Variants in SLC9A4 observed in about 807,000 individuals in gnomAD.
SLC9A4 encodes sodium/hydrogen exchanger 4.
Under a neutral mutation model 67.4 loss-of-function variants are expected in SLC9A4, and 63 were observed. The observed-to-expected ratio is 0.93, with a 90% CI of 0.76 to 1.15. The LOEUF (loss-of-function observed/expected upper bound fraction) is 1.15. Among genes scored for constraint, SLC9A4 ranks in the 50% most tolerant of loss-of-function variants. SLC9A4 has a pLI of 0.00. For synonymous variants in SLC9A4, 393 were observed against 367.2 expected (o/e 1.07, Z -0.80); for missense variants, 1,089 against 987.7 (o/e 1.10, Z -1.38).
Position 102,502,571 on chromosome 2 carries a change from A to T in SLC9A4, c.721-877A>T, listed in dbSNP as rs554751661. Among the ~76,000 whole-genome samples the T allele has an allele frequency of 7.9e-5, 12 of 152,294 alleles. No individual in the cohort carries two copies. The South Asian group carries it at 2.3e-3, about 29-fold the overall frequency. On this transcript the variant is annotated intron_variant, in intron 2 of 11. Transcript: ENST00000295269. ...GCCCCCAAGGAAGGACACGCTTGGGAGGGGTTCACCTTTTACTGGAGAAGG... is the reference window on the plus strand; with the variant it reads ...GCCCCCAAGGAAGGACACGCTTGGGTGGGGTTCACCTTTTACTGGAGAAGG...
chr2:102,521,323 T>C (rs1458028461), intron 9 of SLC9A4, among the ~76,000 whole-genome samples: 1 of 152,208 alleles, frequency 6.6e-6, no homozygotes, highest in African/African-American at 2.4e-5. Flanking sequence ...TGGTCTTTTT[T>C]AGTAAGTATC....
At chr2:102,477,820 A>G (rs767048587) in intron 1 of SLC9A4, among the ~76,000 whole-genome samples, 2 of 152,154 alleles carry the variant, frequency 1.3e-5, no homozygotes, top group Non-Finnish European at 2.9e-5. Flanking sequence ...AGTGTGTGGG[A>G]GACAGACTTG....
intron 3 of SLC9A4, among the ~76,000 whole-genome samples, chr2:102,504,913 G>T (rs10208027): frequency 0.054 from 7,871 of 146,040 alleles, 631 homozygotes; most frequent in African/African-American, 0.18. Context: ...TTAAGGCAGA[G>T]TAACGCAGAG....
At chr2:102,511,678 T>C (rs1408295368) in intron 6 of SLC9A4, among the ~76,000 whole-genome samples, 2 of 152,062 alleles carry the variant, frequency 1.3e-5, no homozygotes, top group East Asian at 3.8e-4. Context: ...CATATGTAAT[T>C]ACTCAGATCA....
chr2:102,481,182 G>A (rs998563318), intron 2 of SLC9A4, among the ~76,000 whole-genome samples: 16 of 152,200 alleles, frequency 1.1e-4, no homozygotes, highest in Admixed American at 9.2e-4. Context: ...AAATATCGTG[G>A]CATTACATAA....
chr2:102,509,277 T>C (rs10195948), intron 6 of SLC9A4, among the ~76,000 whole-genome samples: 114,026 of 152,112 alleles, frequency 0.75, 43,132 homozygotes, highest in Middle Eastern at 0.81. Flanking sequence ...CTTCAGAGCC[T>C]GCAAAGGCTG....
intron 4 of SLC9A4, among the ~76,000 whole-genome samples, chr2:102,506,091 C>T (rs1007284624): frequency 3.9e-5 from 6 of 152,136 alleles, no homozygotes; most frequent in Non-Finnish European, 7.4e-5. Flanking sequence ...AAAAGAGCTT[C>T]GTATTAATTA....
intron 8 of SLC9A4, among the ~76,000 whole-genome samples, chr2:102,514,890 G>A (rs1005979925): frequency 6.6e-6 from 1 of 152,076 alleles, no homozygotes; most frequent in Non-Finnish European, 1.5e-5. Context: ...CATAGGGAGG[G>A]GTGATACTGG....
At position 102,473,612 on chromosome 2, in the gene SLC9A4, C is replaced by T. The variant is rs1573321149; in HGVS notation, c.-148C>T. On this transcript the variant is annotated 5_prime_UTR_variant, in exon 1 of 12. Transcript: ENST00000295269. ...AGTGTCTACATACAGAGCTCAATAA[C>T]ACACTCGGAATCTTCTTGGGAGGAC... The T allele has an allele frequency of 1.1e-6, 1 of 944,992 alleles. No individual in the cohort carries two copies. Among genetic ancestry groups the T allele is most frequent in the South Asian group, 1.7e-5 (1 of 59,166 alleles). 58.5% of individuals were successfully genotyped at this position (944,992 alleles called of 1,614,324 possible). A position where few individuals can be genotyped will look rare whatever the true frequency, so the allele number is the denominator to read the frequency against.
At chr2:102,503,000 C>T (rs1222082065) in intron 2 of SLC9A4, among the ~76,000 whole-genome samples, 2 of 152,252 alleles carry the variant, frequency 1.3e-5, no homozygotes, top group Non-Finnish European at 2.9e-5. Context: ...GCTGACTCTC[C>T]CCACAGGCCC....
At chr2:102,508,457 A>G (rs72993722) in intron 5 of SLC9A4, among the ~76,000 whole-genome samples, 176 bp downstream of exon 5, 23,208 of 152,098 alleles carry the variant, frequency 0.15, 2,056 homozygotes, top group African/African-American at 0.24. Context: ...TCTAAAATGT[A>G]TTGCCTTTTA....
intron 1 of SLC9A4, 74 bp from the exon 2 acceptor site, chr2:102,478,765 T>A (rs939374273): frequency 6.9e-7 from 1 of 1,455,652 alleles, no homozygotes; most frequent in South Asian, 1.3e-5. Flanking sequence ...CCTGTCTGCT[T>A]GACTTTAAAA....
At chr2:102,476,953 G>A (rs1302417526) in intron 1 of SLC9A4, among the ~76,000 whole-genome samples, 2 of 152,146 alleles carry the variant, frequency 1.3e-5, no homozygotes, top group Non-Finnish European at 2.9e-5. Context: ...ATGAAAGTGG[G>A]GATGGTATTC....
intron 11 of SLC9A4, among the ~76,000 whole-genome samples, chr2:102,529,677 A>C (rs956525309): frequency 1.6e-4 from 25 of 152,146 alleles, no homozygotes; most frequent in African/African-American, 5.1e-4. Context: ...GCACCAGGAG[A>C]ATGGCTGGAG....
intron 9 of SLC9A4, among the ~76,000 whole-genome samples, chr2:102,524,556 T>TTGTGTGTGTGTG (rs147920382): frequency 0.041 from 5,982 of 145,432 alleles, 147 homozygotes; most frequent in African/African-American, 0.062. Context: ...GTGATAGGAA[T>TTGTGTGTGTGTG]TGTGTGTGTG....
intron 8 of SLC9A4, among the ~76,000 whole-genome samples, chr2:102,515,749 C>G (rs879883261): frequency 6.6e-6 from 1 of 151,934 alleles, no homozygotes; most frequent in Admixed American, 6.6e-5. Flanking sequence ...TTTTTTGCAA[C>G]CCCCTTGCAT....
At chr2:102,475,060 G>A (rs1049647934) in intron 1 of SLC9A4, among the ~76,000 whole-genome samples, 1 of 152,134 alleles carries the variant, frequency 6.6e-6, no homozygotes, top group Admixed American at 6.5e-5. Flanking sequence ...CTTTATAGTT[G>A]CTATTCATTT....
intron 4 of SLC9A4, 185 bp downstream of exon 4, chr2:102,505,656 T>C: frequency 1.7e-6 from 1 of 595,882 alleles, no homozygotes; most frequent in Admixed American, 3.1e-5. Context: ...CTCAAAGTAA[T>C]TAGTGGTTGA....
chr2:102,532,029 T>C (rs1416268330), intron 11 of SLC9A4, among the ~76,000 whole-genome samples: 1 of 152,234 alleles, frequency 6.6e-6, no homozygotes, highest in East Asian at 1.9e-4. Flanking sequence ...TTTATGTCTA[T>C]GGCCAACTGA....
Sources: allele counts gnomAD v4.1 joint callset (sites outside exome capture counted in the v4.1 genomes callset), GRCh38; gene constraint gnomAD v4.1.1; transcripts MANE v1.5; gene names NCBI Gene and HGNC (gene_info 2026-07-23, HGNC 2026-07-21).